PDZRN4: variants seen among roughly 807,000 people sequenced by gnomAD.
The protein encoded by PDZRN4 is PDZ domain containing ring finger 4.
PDZRN4 carries 70 observed loss-of-function variants against 99.0 expected under a neutral mutation model. That is an observed-to-expected ratio of 0.71 (90% CI 0.58 to 0.86). The LOEUF is 0.86. Among genes scored for constraint, PDZRN4 ranks in the 40% least tolerant of loss-of-function variants. The pLI, the probability that PDZRN4 is intolerant of heterozygous loss-of-function variation, is 0.00. For missense variants in PDZRN4, 1,474 were observed against 1,331.2 expected (o/e 1.11, Z -1.67); for synonymous variants, 551 against 501.6 (o/e 1.10, Z -1.32).
intron 3 of PDZRN4, among the ~76,000 whole-genome samples, chr12:41,298,821 G>T (rs1457358171): frequency 6.6e-6 from 1 of 152,060 alleles, no homozygotes; most frequent in Non-Finnish European, 1.5e-5. Context: ...TGATTAATAA[G>T]ATTTGGGGAG....
intron 3 of PDZRN4, among the ~76,000 whole-genome samples, chr12:41,327,739 T>C (rs2120985584): frequency 6.6e-6 from 1 of 152,264 alleles, no homozygotes; most frequent in African/African-American, 2.4e-5. Context: ...AAAAATGAAC[T>C]CACATGTTAT....
rs200721934 is a variant in PDZRN4 at position 41,510,307 on chromosome 12, A to G, written c.1203+394A>G. ...TTTCATTGATAAACTAAATTTTATT[A>G]TATTGTATTCTTTGGAAATGCAATA... On this transcript the variant is annotated intron_variant, in intron 5 of 9. Coordinates refer to ENST00000402685, the MANE Select transcript of PDZRN4 (RefSeq NM_001164595.2). Among the ~76,000 whole-genome samples, 21 of 152,194 alleles carry G rather than the reference A, an allele frequency of 1.4e-4. No homozygotes were observed. The East Asian group carries it at 3.5e-3, about 25-fold the overall frequency.
At chr12:41,265,714 C>A (rs549934840) in intron 3 of PDZRN4, among the ~76,000 whole-genome samples, 6 of 152,248 alleles carry the variant, frequency 3.9e-5, no homozygotes, top group African/African-American at 9.6e-5. Flanking sequence ...ATGCATGTAC[C>A]ACTTGTACTT....
chr12:41,368,551 T>A (rs1952018660), intron 3 of PDZRN4, among the ~76,000 whole-genome samples: 1 of 152,018 alleles, frequency 6.6e-6, no homozygotes, highest in African/African-American at 2.4e-5. Flanking sequence ...TCAGCCATTA[T>A]TTTCCAAATA....
intron 3 of PDZRN4, among the ~76,000 whole-genome samples, chr12:41,423,822 A>G (rs984174387): frequency 6.6e-6 from 1 of 152,176 alleles, no homozygotes; most frequent in Non-Finnish European, 1.5e-5. Flanking sequence ...GGGTAAGAAA[A>G]GATAGTTAAT....
intron 3 of PDZRN4, among the ~76,000 whole-genome samples, chr12:41,297,653 C>T (rs1951504913): frequency 6.6e-6 from 1 of 152,136 alleles, no homozygotes; most frequent in Admixed American, 6.5e-5. Flanking sequence ...ACTGGAGGGA[C>T]ATATAAAATA....
intron 3 of PDZRN4, among the ~76,000 whole-genome samples, chr12:41,416,600 T>C (rs1252775364): frequency 1.3e-5 from 2 of 152,116 alleles, no homozygotes; most frequent in African/African-American, 2.4e-5. Context: ...GAGGTTGCAG[T>C]GAGCAGAGAT....
chr12:41,413,616 TATA>T (rs1952416975), intron 3 of PDZRN4, among the ~76,000 whole-genome samples: 1 of 152,190 alleles, frequency 6.6e-6, no homozygotes, highest in Admixed American at 6.5e-5. Context: ...TTGCAGCACA[TATA>T]ATGTTTATTC....
At chr12:41,263,978 AAC>A (rs1341854443) in intron 3 of PDZRN4, among the ~76,000 whole-genome samples, 1 of 152,198 alleles carries the variant, frequency 6.6e-6, no homozygotes, top group Non-Finnish European at 1.5e-5. Flanking sequence ...CTCCATGAAA[AAC>A]ACACCCTTGA....
chr12:41,266,622 C>T (rs999942237), intron 3 of PDZRN4, among the ~76,000 whole-genome samples: 5 of 152,196 alleles, frequency 3.3e-5, no homozygotes, highest in African/African-American at 1.2e-4. Flanking sequence ...AAGACCAATT[C>T]TGGCAAGAAT....
intron 3 of PDZRN4, among the ~76,000 whole-genome samples, chr12:41,458,036 A>G (rs1952831458): frequency 6.6e-6 from 1 of 152,224 alleles, no homozygotes; most frequent in Non-Finnish European, 1.5e-5. Context: ...TTCATGAAGA[A>G]CATGCAATTC....
At chr12:41,321,584 C>T (rs1041998178) in intron 3 of PDZRN4, among the ~76,000 whole-genome samples, 2 of 152,106 alleles carry the variant, frequency 1.3e-5, no homozygotes, top group Admixed American at 6.6e-5. Flanking sequence ...TATCACTGTT[C>T]TTTTTGTTCA....
In PDZRN4 at chr12:41,460,132, A is replaced by G. The variant is rs1044763223; in HGVS notation, c.844-46324A>G. Reference sequence around the variant, plus strand: ...ATCATAAACATAGCCTGCCTACCACATGTTTTTACTGTTACCTTTTTATGT... The same window carrying G: ...ATCATAAACATAGCCTGCCTACCACGTGTTTTTACTGTTACCTTTTTATGT... On this transcript the variant is annotated intron_variant, in intron 3 of 9. Coordinates refer to ENST00000402685, the MANE Select transcript of PDZRN4 (RefSeq NM_001164595.2). 5.8e-6 allele frequency: 7 copies of G among 1,205,420 alleles called. No homozygotes were observed. In the Admixed American group the frequency reaches 1.6e-4, roughly 28 times the overall value. 74.7% of individuals were successfully genotyped at this position (1,205,420 alleles called of 1,614,324 possible).
chr12:41,469,689 T>C lies in PDZRN4; in HGVS notation c.844-36767T>C, dbSNP rs904060337. On this transcript the variant is annotated intron_variant, in intron 3 of 9. Transcript: ENST00000402685. ...GCTCACGCCTGTAATCCCAGCACTT[T>C]GGGAGGCCGAGGGGGGCCGATCACG... 3.3e-5 allele frequency among the ~76,000 whole-genome samples: 5 copies of C among 152,282 alleles called. No homozygotes were observed. In the East Asian group the frequency reaches 9.7e-4, roughly 29 times the overall value.
At chr12:41,415,678 A>G (rs1943797759) in intron 3 of PDZRN4, among the ~76,000 whole-genome samples, 1 of 152,136 alleles carries the variant, frequency 6.6e-6, no homozygotes, top group African/African-American at 2.4e-5. Context: ...CTTATGGTAG[A>G]TAAAACATAA....
At chr12:41,388,786 C>T (rs1952190228) in intron 3 of PDZRN4, among the ~76,000 whole-genome samples, 1 of 152,138 alleles carries the variant, frequency 6.6e-6, no homozygotes, top group Admixed American at 6.5e-5. Context: ...AAGGATGGAG[C>T]TTCCATTCAC....
chr12:41,309,494 A>T (rs1951592413), intron 3 of PDZRN4, among the ~76,000 whole-genome samples: 1 of 152,066 alleles, frequency 6.6e-6, no homozygotes. Context: ...TCACGGCCTA[A>T]TCATCTCTCA....
At chr12:41,475,903 G>C (rs1015778046) in intron 3 of PDZRN4, among the ~76,000 whole-genome samples, 41 of 151,620 alleles carry the variant, frequency 2.7e-4, no homozygotes, top group African/African-American at 9.9e-4. Context: ...CCATTTTTTG[G>C]CACTTGCTAC....
chr12:41,510,464 T>A (rs1236849701), intron 5 of PDZRN4, among the ~76,000 whole-genome samples: 5 of 152,172 alleles, frequency 3.3e-5, no homozygotes, highest in Non-Finnish European at 7.4e-5. Context: ...ATATCTGTAC[T>A]GTGATATATA....
Sources: gnomAD v4.1 joint callset for allele counts (sites outside exome capture counted in the v4.1 genomes callset) on GRCh38, gnomAD v4.1.1 for gene constraint, MANE v1.5 for transcripts, NCBI Gene and HGNC (gene_info 2026-07-23, HGNC 2026-07-21) for gene names.